The following LAPTM4B variants were observed in gnomAD, a reference collection of about 807,000 sequenced individuals.
LAPTM4B encodes lysosomal protein transmembrane 4 beta.
Under a neutral mutation model 28.5 loss-of-function variants are expected in LAPTM4B, and 26 were observed. The observed-to-expected ratio is 0.91, with a 90% CI of 0.67 to 1.27. The LOEUF (loss-of-function observed/expected upper bound fraction) is 1.27. LAPTM4B is among the 50% of genes most tolerant of loss of function. The pLI, the probability that LAPTM4B is intolerant of heterozygous loss-of-function variation, is 0.00. For missense variants in LAPTM4B, 288 were observed against 285.8 expected (o/e 1.01, Z -0.06); for synonymous variants, 109 against 106.4 (o/e 1.02, Z -0.15).
chr8:97,825,862 T>A (rs112807435), intron 6 of LAPTM4B, among the ~76,000 whole-genome samples: 2,234 of 152,274 alleles, frequency 0.015, 27 homozygotes, highest in Non-Finnish European at 0.025. Context: ...GCATGGTTAG[T>A]GAAAACGATG....
At position 97,826,828 on chromosome 8, in the gene LAPTM4B, T is replaced by G. The variant is rs1484609982; in HGVS notation, c.603+1675T>G. On this transcript the variant is annotated intron_variant, in intron 6 of 6. Coordinates refer to ENST00000521545, the MANE Select transcript of LAPTM4B (RefSeq NM_018407.6). ...CCGGCCTGTTTTACCCATTAACTTT[T>G]GCAGAAGGCAAGTTGTTGTTTAGCC... 2.6e-5 allele frequency among the ~76,000 whole-genome samples: 4 copies of G among 152,346 alleles called. No homozygotes were observed. In the East Asian group the frequency reaches 7.7e-4, roughly 29 times the overall value.
At chr8:97,815,974 A>G in intron 3 of LAPTM4B, 84 bp from the exon 4 acceptor site, 2 of 1,289,530 alleles carry the variant, frequency 1.6e-6, no homozygotes, top group East Asian at 2.8e-5. Flanking sequence ...ATTTCCTTTC[A>G]GATTAATAAA....
At chr8:97,815,920 A>C (rs1816904951) in intron 3 of LAPTM4B, 138 bp from the exon 4 acceptor site, 10 of 745,118 alleles carry the variant, frequency 1.3e-5, no homozygotes, top group Non-Finnish European at 1.7e-5. Flanking sequence ...TATTTGGCAT[A>C]CTGGTTTCCA....
Position 97,775,886 on chromosome 8 carries a change from C to T in LAPTM4B, c.-124C>T. ...TCGAGGAGGCAGGCCCGCGGGCGCA[C>T]GGGCGAGCGGGCCGGGAGCCGGAGC... On this transcript the variant is annotated 5_prime_UTR_variant, in exon 1 of 7. The change creates a new upstream start codon in the 5' untranslated region. Coordinates refer to ENST00000521545, the MANE Select transcript of LAPTM4B (RefSeq NM_018407.6). 6 of 1,434,904 alleles carry T rather than the reference C, an allele frequency of 4.2e-6. No individual in the cohort carries two copies. In the South Asian group the frequency reaches 8.0e-5, roughly 19 times the overall value. 88.9% of individuals were successfully genotyped at this position (1,434,904 alleles called of 1,614,324 possible). A position where few individuals can be genotyped will look rare whatever the true frequency, so the allele number is the denominator to read the frequency against.
chr8:97,789,468 C>T (rs1162197744), intron 1 of LAPTM4B, among the ~76,000 whole-genome samples: 1 of 152,008 alleles, frequency 6.6e-6, no homozygotes, highest in African/African-American at 2.4e-5. Flanking sequence ...TCAAATGATC[C>T]TCCCTCCTCA....
chr8:97,819,719 T>C (rs1400568432), intron 5 of LAPTM4B, among the ~76,000 whole-genome samples: 1 of 144,002 alleles, frequency 6.9e-6, no homozygotes, highest in East Asian at 2.1e-4. Context: ...TATCTCAAGA[T>C]AAATTTCCTT....
rs558783013 is a variant in LAPTM4B, at chr8:97,847,825, A to G, written c.604-3572A>G. On this transcript the variant is annotated intron_variant, in intron 6 of 6. Coordinates refer to ENST00000521545, the MANE Select transcript of LAPTM4B (RefSeq NM_018407.6). The stretch of plus-strand genomic sequence containing the variant: ...GTCATCTGGAGAATATTTTGCAATC[A>G]GTATTTAGTATGTGTTGAAGGAAAA... Among the ~76,000 whole-genome samples, 127 of 152,374 alleles carry G rather than the reference A, an allele frequency of 8.3e-4. 1 individual carries two copies. The highest frequency in any genetic ancestry group is 1.4e-3 in the Non-Finnish European group (97 of 68,034).
intron 6 of LAPTM4B, among the ~76,000 whole-genome samples, chr8:97,836,253 T>C (rs941257896): frequency 2.6e-5 from 4 of 152,208 alleles, no homozygotes; most frequent in Non-Finnish European, 2.9e-5. Flanking sequence ...ATACATCAGC[T>C]CACTGCAACC....
chr8:97,785,435 A>C (rs1237350572), intron 1 of LAPTM4B, among the ~76,000 whole-genome samples: 3 of 152,246 alleles, frequency 2.0e-5, no homozygotes, highest in African/African-American at 7.2e-5. Context: ...ATTGCTATCA[A>C]AACTGTTTAT....
chr8:97,852,049 A>AT lies in LAPTM4B; in HGVS notation c.*577dup, dbSNP rs1817531852. 1 of 154,590 alleles carries AT rather than the reference A, an allele frequency of 6.5e-6. No individual in the cohort carries two copies. Among genetic ancestry groups the AT allele is most frequent in the African/African-American group, 2.4e-5 (1 of 41,458 alleles). 9.6% of individuals were successfully genotyped at this position (154,590 alleles called of 1,614,324 possible). A position where few individuals can be genotyped will look rare whatever the true frequency, so the allele number is the denominator to read the frequency against. On this transcript the variant is annotated 3_prime_UTR_variant, in exon 7 of 7. Coordinates refer to ENST00000521545, the MANE Select transcript of LAPTM4B (RefSeq NM_018407.6). ...GTAAAGGATTTTCTCCATGGCCTGA[A>AT]TTAAGACCATTAGAAAGCACCAGGC... is the stretch of plus-strand genomic sequence containing the variant.
chr8:97,806,143 C>G (rs1357658062), intron 2 of LAPTM4B, among the ~76,000 whole-genome samples: 1 of 152,176 alleles, frequency 6.6e-6, no homozygotes, highest in Admixed American at 6.6e-5. Context: ...GAGAGAGTGG[C>G]TCAACATGCA....
chr8:97,816,056 A>G lies in LAPTM4B; in HGVS notation c.286-2A>G. Reference sequence around the variant, plus strand: ...TAACTTTCTATTTTCTGTTCTGTTTAGCAACGCGCAGCCTGGATCATCCCA... The same window carrying G: ...TAACTTTCTATTTTCTGTTCTGTTTGGCAACGCGCAGCCTGGATCATCCCA... On this transcript the variant is annotated splice_acceptor_variant, in intron 3 of 6. Coordinates refer to ENST00000521545, the MANE Select transcript of LAPTM4B (RefSeq NM_018407.6). LOFTEE classifies it high-confidence loss of function. The G allele has an allele frequency of 1.2e-6, 2 of 1,605,746 alleles. No individual in the cohort carries two copies. The highest frequency in any genetic ancestry group is 1.7e-6 in the Non-Finnish European group (2 of 1,177,886).
At chr8:97,817,781 G>T (rs1816945202) in intron 4 of LAPTM4B, among the ~76,000 whole-genome samples, 1 of 151,796 alleles carries the variant, frequency 6.6e-6, no homozygotes. Context: ...GTAGAGGTGG[G>T]GTTTTGCCAT....
chr8:97,808,478 C>CA (rs1816785717), intron 2 of LAPTM4B, among the ~76,000 whole-genome samples: 1 of 151,582 alleles, frequency 6.6e-6, no homozygotes, highest in African/African-American at 2.4e-5. Flanking sequence ...TAATCCATCT[C>CA]AAGGATTACT....
chr8:97,796,444 A>G (rs1396913136), intron 1 of LAPTM4B, among the ~76,000 whole-genome samples: 5 of 152,102 alleles, frequency 3.3e-5, no homozygotes, highest in African/African-American at 1.2e-4. Flanking sequence ...CTCCCTTGTT[A>G]TATCTATTTC....
chr8:97,802,253 T>C (rs959338919), intron 1 of LAPTM4B, among the ~76,000 whole-genome samples: 2 of 152,196 alleles, frequency 1.3e-5, no homozygotes, highest in Admixed American at 1.3e-4. Context: ...ACTGCTCGAC[T>C]GATAATACTA....
chr8:97,838,914 A>T (rs1013468838), intron 6 of LAPTM4B, among the ~76,000 whole-genome samples: 2 of 152,196 alleles, frequency 1.3e-5, no homozygotes, highest in Admixed American at 6.5e-5. Context: ...ATACCAGGGC[A>T]GCTGCTTATC....
chr8:97,849,618 C>G (rs953141248), intron 6 of LAPTM4B, among the ~76,000 whole-genome samples: 1 of 152,244 alleles, frequency 6.6e-6, no homozygotes, highest in Non-Finnish European at 1.5e-5. Flanking sequence ...CTGGCGGGTG[C>G]GACTCTGGCG....
chr8:97,820,278 CTTTT>C (rs1374208744), intron 5 of LAPTM4B, among the ~76,000 whole-genome samples: 1 of 138,752 alleles, frequency 7.2e-6, no homozygotes, highest in African/African-American at 2.6e-5. Context: ...CAACTTTTTT[CTTTT>C]TTTATTTATT....
Sources: allele counts gnomAD v4.1 joint callset (sites outside exome capture counted in the v4.1 genomes callset), GRCh38; gene constraint gnomAD v4.1.1; transcripts MANE v1.5; gene names NCBI Gene and HGNC (gene_info 2026-07-23, HGNC 2026-07-21).